Variants in TENM3 observed in about 807,000 individuals in gnomAD.
The protein encoded by TENM3 is teneurin transmembrane protein 3, also known as teneurin-3.
In TENM3, 63 loss-of-function variants were observed where a neutral mutation model predicts 255.1. The observed-to-expected ratio is 0.25, with a 90% CI of 0.20 to 0.30. The LOEUF (loss-of-function observed/expected upper bound fraction) is 0.30, where lower values mean the gene tolerates loss of function less well. TENM3 is among the 10% of genes least tolerant of loss of function. The pLI is 1.00. For missense variants in TENM3, 2,929 were observed against 3,461.1 expected, an observed-to-expected ratio of 0.85 and a Z score of 3.86; for synonymous variants, 1,306 against 1,322.3, an observed-to-expected ratio of 0.99 and a Z score of 0.27.
the TENM3 span, among the ~76,000 whole-genome samples, chr4:181,794,320 T>A: frequency 1.4e-4 from 22 of 152,162 alleles, no homozygotes; most frequent in African/African-American, 5.3e-4. Flanking sequence ...TCTGCTCTCT[T>A]GGCAAATTTC....
chr4:182,186,027 G>A (rs1753126494), intron 1 of TENM3, among the ~76,000 whole-genome samples: 1 of 150,948 alleles, frequency 6.6e-6, no homozygotes, highest in Non-Finnish European at 1.5e-5. Flanking sequence ...TAAGCACATA[G>A]TTAGGCTTCC....
At chr4:181,866,684 A>G in the TENM3 span, among the ~76,000 whole-genome samples, 5 of 152,240 alleles carry the variant, frequency 3.3e-5, no homozygotes, top group African/African-American at 1.2e-4. Flanking sequence ...TCATTTTTTC[A>G]TCTATCCAAG....
intron 6 of TENM3, among the ~76,000 whole-genome samples, chr4:182,658,915 C>A (rs748954980): frequency 6.6e-6 from 1 of 152,318 alleles, no homozygotes; most frequent in South Asian, 2.1e-4. Flanking sequence ...TAGAACATAG[C>A]AGCTGGTTCT....
chr4:182,776,558 C>G (rs1175261534), intron 24 of TENM3, among the ~76,000 whole-genome samples: 2 of 152,194 alleles, frequency 1.3e-5, no homozygotes, highest in Admixed American at 1.3e-4. Context: ...GGGGGAAATA[C>G]TTTGTCCAGA....
At chr4:181,990,572 A>T in the TENM3 span, among the ~76,000 whole-genome samples, 1 of 152,218 alleles carries the variant, frequency 6.6e-6, no homozygotes, top group South Asian at 2.1e-4. Context: ...TGGGAGTGAT[A>T]TGGAGCCCCT....
chr4:182,351,734 C>T (rs1428070693), intron 3 of TENM3, among the ~76,000 whole-genome samples: 1 of 152,082 alleles, frequency 6.6e-6, no homozygotes, highest in Non-Finnish European at 1.5e-5. Flanking sequence ...TGCCCGGAGG[C>T]GGGACTCCTG....
chr4:181,572,086 C>G, the TENM3 span, among the ~76,000 whole-genome samples: 1 of 152,216 alleles, frequency 6.6e-6, no homozygotes, highest in African/African-American at 2.4e-5. Context: ...AGATTAACCA[C>G]TGTTCTGATA....
At chr4:181,520,032 G>A in the TENM3 span, among the ~76,000 whole-genome samples, 435 of 152,306 alleles carry the variant, frequency 2.9e-3, 4 homozygotes, top group African/African-American at 0.01. Flanking sequence ...AGGCCTGTGA[G>A]GCCGCCTGGC....
chr4:182,208,086 TA>T (rs1754707165), intron 1 of TENM3, among the ~76,000 whole-genome samples: 1 of 152,238 alleles, frequency 6.6e-6, no homozygotes, highest in African/African-American at 2.4e-5. Context: ...AGATATTTTT[TA>T]ATAATGCAAG....
chr4:181,702,428 C>T, the TENM3 span, among the ~76,000 whole-genome samples: 2 of 152,202 alleles, frequency 1.3e-5, no homozygotes, highest in Admixed American at 1.3e-4. Context: ...TCAAACTCCA[C>T]TTCTCAAAGT....
At chr4:182,667,728 C>T (rs767249860) in intron 6 of TENM3, among the ~76,000 whole-genome samples, 43 of 150,470 alleles carry the variant, frequency 2.9e-4, no homozygotes, top group Non-Finnish European at 5.6e-4. Context: ...AGTTGAAAAG[C>T]ATTCTTTGTA....
chr4:181,748,151 G>A, the TENM3 span, among the ~76,000 whole-genome samples: 8 of 151,944 alleles, frequency 5.3e-5, no homozygotes, highest in South Asian at 1.0e-3. Flanking sequence ...TTATTATCAC[G>A]TTGTCAGGTT....
chr4:181,723,612 C>A, the TENM3 span, among the ~76,000 whole-genome samples: 1 of 152,126 alleles, frequency 6.6e-6, no homozygotes, highest in Admixed American at 6.6e-5. Flanking sequence ...TGTTGTAGTT[C>A]AAAAGTTCTT....
chr4:182,653,640 CAGTTATCCTTGGT>C lies in TENM3; in HGVS notation c.989-129_989-117del, dbSNP rs1364147645. 1.8e-5 allele frequency: 17 copies of C among 970,754 alleles called. No homozygotes were observed. The African/African-American group carries it at 2.8e-4, about 16-fold the overall frequency. 60.1% of individuals were successfully genotyped at this position (970,754 alleles called of 1,614,324 possible). A position where few individuals can be genotyped will look rare whatever the true frequency, so the allele number is the denominator to read the frequency against. ...TCTTTGTTTTATAATTTTCATTGCG[CAGTTATCCTTGGT>C]ATTTCAGAAAATGGAAATTGTAACT... On this transcript the variant is annotated intron_variant, in intron 5 of 27. Coordinates refer to ENST00000511685, the MANE Select transcript of TENM3 (RefSeq NM_001080477.4).
the TENM3 span, among the ~76,000 whole-genome samples, chr4:181,823,058 T>C: frequency 1.3e-5 from 2 of 152,242 alleles, no homozygotes; most frequent in Non-Finnish European, 2.9e-5. Context: ...TGAGAAGCGA[T>C]TAGCATTTTG....
the TENM3 span, among the ~76,000 whole-genome samples, chr4:181,455,310 A>T: frequency 1.0e-3 from 156 of 152,194 alleles, no homozygotes; most frequent in African/African-American, 3.7e-3. Context: ...GTTTAGAAGG[A>T]TAGACAATGA....
the TENM3 span, among the ~76,000 whole-genome samples, chr4:181,461,065 C>T: frequency 6.6e-6 from 1 of 151,878 alleles, no homozygotes; most frequent in African/African-American, 2.4e-5. Context: ...TGAATTCTTT[C>T]AGATTTTGCT....
chr4:181,951,670 T>C, the TENM3 span, among the ~76,000 whole-genome samples: 1 of 152,230 alleles, frequency 6.6e-6, no homozygotes, highest in South Asian at 2.1e-4. Flanking sequence ...TCAACAAAGA[T>C]ATCTATTAAC....
chr4:182,707,185 G>A (rs1299915039), intron 12 of TENM3, among the ~76,000 whole-genome samples: 4 of 152,130 alleles, frequency 2.6e-5, no homozygotes, highest in Non-Finnish European at 5.9e-5. Flanking sequence ...ACTTTGATGT[G>A]CATACTCCTA....
Sources: allele counts gnomAD v4.1 joint callset (sites outside exome capture counted in the v4.1 genomes callset), GRCh38; gene constraint gnomAD v4.1.1; transcripts MANE v1.5; gene names NCBI Gene and HGNC (gene_info 2026-07-23, HGNC 2026-07-21).